CNTNAP2: variants seen among roughly 807,000 people sequenced by gnomAD.
CNTNAP2 encodes the protein contactin-associated protein-like 2.
Under a neutral mutation model 155.2 loss-of-function variants are expected in CNTNAP2, and 98 were observed. That is an observed-to-expected ratio of 0.63 (90% CI 0.54 to 0.75). The LOEUF (loss-of-function observed/expected upper bound fraction) is 0.75, where lower values mean the gene tolerates loss of function less well. CNTNAP2 is among the 30% of genes least tolerant of loss of function. The pLI, the probability that CNTNAP2 is intolerant of heterozygous loss-of-function variation, is 0.00. For missense variants in CNTNAP2, 1,727 were observed against 1,688.1 expected, an observed-to-expected ratio of 1.02 and a Z score of -0.40; for synonymous variants, 651 against 631.2, an observed-to-expected ratio of 1.03 and a Z score of -0.47.
chr7:146,685,099 T>C (rs191271645), intron 1 of CNTNAP2, among the ~76,000 whole-genome samples: 9 of 152,260 alleles, frequency 5.9e-5, no homozygotes, highest in African/African-American at 1.9e-4. Context: ...TTCAACATTG[T>C]TCTAAAGATG....
intron 1 of CNTNAP2, among the ~76,000 whole-genome samples, chr7:146,548,478 A>G (rs1229541591): frequency 1.3e-5 from 2 of 152,136 alleles, no homozygotes; most frequent in Non-Finnish European, 2.9e-5. Context: ...AAAGGAACAT[A>G]AATCATTCCA....
At chr7:146,957,659 G>C (rs575212210) in intron 3 of CNTNAP2, among the ~76,000 whole-genome samples, 2 of 152,156 alleles carry the variant, frequency 1.3e-5, no homozygotes, top group Non-Finnish European at 2.9e-5. Flanking sequence ...GTGAAATACT[G>C]AGAGCCTTTG....
chr7:146,672,004 C>T (rs914950406), intron 1 of CNTNAP2, among the ~76,000 whole-genome samples: 6 of 151,802 alleles, frequency 4.0e-5, no homozygotes, highest in South Asian at 2.1e-4. Flanking sequence ...TTAGTAGAGA[C>T]GGGGTTTCAC....
At chr7:146,828,222 T>C (rs1268176384) in intron 2 of CNTNAP2, among the ~76,000 whole-genome samples, 1 of 152,062 alleles carries the variant, frequency 6.6e-6, no homozygotes, top group African/African-American at 2.4e-5. Context: ...AAAAATTATA[T>C]ACAGTCAAGT....
intron 11 of CNTNAP2, among the ~76,000 whole-genome samples, chr7:147,497,502 T>C (rs1365983209): frequency 6.6e-6 from 1 of 152,224 alleles, no homozygotes; most frequent in Non-Finnish European, 1.5e-5. Flanking sequence ...CAACTTTCAC[T>C]AGGCTAGGTA....
At position 147,214,144 on chromosome 7, in the gene CNTNAP2, A is replaced by G. The variant is rs546874644; in HGVS notation, c.1348+81635A>G. On this transcript the variant is annotated intron_variant, in intron 8 of 23. Transcript: ENST00000361727. ...ACACCTAAAATTAACCATCAGAAAC[A>G]TATAACTTTGAACAATTTGCGTTTA... Among the ~76,000 whole-genome samples the G allele has an allele frequency of 2.0e-5, 3 of 152,308 alleles. No homozygotes were observed. The South Asian group carries it at 6.2e-4, about 32-fold the overall frequency.
chr7:147,931,332 C>T (rs746825110), intron 14 of CNTNAP2, among the ~76,000 whole-genome samples: 17 of 151,690 alleles, frequency 1.1e-4, no homozygotes, highest in Non-Finnish European at 2.2e-4. Flanking sequence ...GACATTACAA[C>T]CTGATGGCTT....
At chr7:148,386,633 G>C (rs1465847176) in intron 22 of CNTNAP2, among the ~76,000 whole-genome samples, 1 of 152,196 alleles carries the variant, frequency 6.6e-6, no homozygotes, top group Non-Finnish European at 1.5e-5. Context: ...GGGGCTGGAA[G>C]GGGCAGAGGA....
chr7:146,886,477 G>A (rs1420690007), intron 3 of CNTNAP2, among the ~76,000 whole-genome samples: 1 of 151,930 alleles, frequency 6.6e-6, no homozygotes, highest in Non-Finnish European at 1.5e-5. Context: ...TATTCAATAA[G>A]ACTACTAATC....
intron 22 of CNTNAP2, among the ~76,000 whole-genome samples, chr7:148,390,991 A>G (rs1327585859): frequency 6.6e-6 from 1 of 152,200 alleles, no homozygotes; most frequent in Non-Finnish European, 1.5e-5. Flanking sequence ...GCAAATAGAC[A>G]TGGCCTCGTG....
intron 1 of CNTNAP2, among the ~76,000 whole-genome samples, chr7:146,127,145 A>G (rs759596842): frequency 3.9e-5 from 6 of 152,200 alleles, no homozygotes; most frequent in Non-Finnish European, 5.9e-5. Flanking sequence ...CTCTAACACA[A>G]CATGCTGTTT....
At chr7:147,963,432 G>T (rs565006302) in intron 14 of CNTNAP2, among the ~76,000 whole-genome samples, 4 of 152,192 alleles carry the variant, frequency 2.6e-5, no homozygotes, top group African/African-American at 9.6e-5. Flanking sequence ...GAGTTTCATA[G>T]AAGATATAAC....
chr7:146,780,719 G>T (rs1802471021), intron 2 of CNTNAP2, among the ~76,000 whole-genome samples: 1 of 152,024 alleles, frequency 6.6e-6, no homozygotes, highest in Non-Finnish European at 1.5e-5. Context: ...CATGTCCTTT[G>T]CAGGGACATG....
chr7:147,182,486 C>T (rs1376164782), intron 8 of CNTNAP2, among the ~76,000 whole-genome samples: 1 of 152,016 alleles, frequency 6.6e-6, no homozygotes, highest in Non-Finnish European at 1.5e-5. Flanking sequence ...ATACTAAGCA[C>T]ATTAGTTTCA....
chr7:146,767,751 T>G (rs1418358683), intron 1 of CNTNAP2, among the ~76,000 whole-genome samples: 1 of 152,178 alleles, frequency 6.6e-6, no homozygotes, highest in African/African-American at 2.4e-5. Flanking sequence ...CTCTGAATGT[T>G]TAACCATTTA....
intron 1 of CNTNAP2, among the ~76,000 whole-genome samples, chr7:146,498,652 TAAAAC>T (rs1385090505): frequency 6.9e-6 from 1 of 144,734 alleles, no homozygotes; most frequent in Non-Finnish European, 1.5e-5. Flanking sequence ...AACGAAATAA[TAAAAC>T]AAAGTTGTAT....
intron 1 of CNTNAP2, among the ~76,000 whole-genome samples, chr7:146,239,669 A>G (rs868391630): frequency 6.6e-6 from 1 of 152,178 alleles, no homozygotes. Flanking sequence ...TAATTTAATA[A>G]TAATGTCTTA....
chr7:146,480,647 T>G (rs1203558107), intron 1 of CNTNAP2, among the ~76,000 whole-genome samples: 1 of 150,356 alleles, frequency 6.7e-6, no homozygotes. Flanking sequence ...TTTAAGCAAT[T>G]TCTTAGAACC....
chr7:148,277,254 C>T (rs570107087), intron 21 of CNTNAP2, among the ~76,000 whole-genome samples: 13 of 152,146 alleles, frequency 8.5e-5, no homozygotes, highest in African/African-American at 3.1e-4. Flanking sequence ...TCCCTGAGTG[C>T]TCTTCTGGCC....
Sources: allele counts gnomAD v4.1 joint callset (sites outside exome capture counted in the v4.1 genomes callset), GRCh38; gene constraint gnomAD v4.1.1; transcripts MANE v1.5; gene names NCBI Gene and HGNC (gene_info 2026-07-23, HGNC 2026-07-21).